The following FRMD1 variants were observed in gnomAD, a reference collection of about 807,000 sequenced individuals.
The protein encoded by FRMD1 is FERM domain containing 1, also known as FERM domain-containing protein 1.
Under a neutral mutation model 54.9 loss-of-function variants are expected in FRMD1, and 51 were observed. The ratio of observed to expected loss-of-function variants is 0.93; its 90% CI spans 0.74 to 1.17. The LOEUF (loss-of-function observed/expected upper bound fraction) is 1.17, where lower values mean the gene tolerates loss of function less well. Ranked by LOEUF, FRMD1 falls within the 50% of genes most tolerant of loss-of-function variation. FRMD1 has a pLI of 0.00. For missense variants in FRMD1, 729 were observed against 743.0 expected (o/e 0.98, Z 0.22); for synonymous variants, 324 against 306.4 (o/e 1.06, Z -0.60).
upstream of FRMD1, among the ~76,000 whole-genome samples, chr6:168,084,651 C>T (rs1800888207): frequency 6.6e-6 from 1 of 152,248 alleles, no homozygotes; most frequent in Non-Finnish European, 1.5e-5. Flanking sequence ...CCGGCTCCCT[C>T]CGTGAGAGCG....
rs1162951059 is a variant in FRMD1, at chr6:168,063,766, G to A, written c.649-10C>T. On this transcript the variant is annotated splice_polypyrimidine_tract_variant and intron_variant, in intron 5 of 10. Transcript: ENST00000283309. The stretch of plus-strand genomic sequence containing the variant: ...CCCTCTTGGTGATGATCTGAGGACA[G>A]AGCCGGGAGGTCAGCTCAGACCCCT... The A allele has an allele frequency of 4.4e-6, 7 of 1,606,068 alleles. No individual in the cohort carries two copies. Among genetic ancestry groups the A allele is most frequent in the Non-Finnish European group, 5.1e-6 (6 of 1,176,018 alleles).
In FRMD1 at chr6:168,061,014, C is replaced by T. The variant is rs747354705; in HGVS notation, c.1089G>A (p.Glu363=). Residue 363 remains glutamate (E), a synonymous_variant, in exon 9 of 11, where the codon GAG becomes GAA. Transcript: ENST00000283309. ...GGAAGCTCCTGCTGGCCAGGTCCAG[C>T]TCCAGCTCATCGCTGATATAGGACT... ...YRESYISDEL[E]LDLASRSFPG... is the part of the protein sequence containing the mutation. 5.6e-6 allele frequency: 9 copies of T among 1,612,788 alleles called. No homozygotes were observed. In the East Asian group the frequency reaches 1.6e-4, roughly 28 times the overall value.
intron 8 of FRMD1, among the ~76,000 whole-genome samples, chr6:168,061,491 G>A (rs909486081): frequency 6.6e-6 from 1 of 152,212 alleles, no homozygotes; most frequent in Non-Finnish European, 1.5e-5. Context: ...AGGCCTTGTC[G>A]GAACCTGCAT....
chr6:168,088,861 C>T (rs1348071467), intron 1 of FRMD1, among the ~76,000 whole-genome samples: 1 of 151,948 alleles, frequency 6.6e-6, no homozygotes, highest in African/African-American at 2.4e-5. Context: ...GACCCACCGG[C>T]CTGCCTGTCA....
At chr6:168,064,567 G>A (rs1057061483) in intron 5 of FRMD1, among the ~76,000 whole-genome samples, 7 of 152,226 alleles carry the variant, frequency 4.6e-5, no homozygotes, top group African/African-American at 1.4e-4. Context: ...CAGCCAGGCA[G>A]CCAAGGGGCT....
rs748642537 is a variant in FRMD1 at position 168,079,103 on chromosome 6, T to C, written c.-9A>G. ...CTCGGGGGCACCGCCATGCTGTCGT[T>C]ACTCGGCCCTCCCCCGCCATGGGTC... On this transcript the variant is annotated 5_prime_UTR_variant, in exon 1 of 11. Transcript: ENST00000283309. 6.3e-7 allele frequency: 1 copy of C among 1,589,768 alleles called. No homozygotes were observed. Among genetic ancestry groups the C allele is most frequent in the Non-Finnish European group, 8.5e-7 (1 of 1,171,660 alleles).
intron 1 of FRMD1, among the ~76,000 whole-genome samples, chr6:168,090,422 T>C (rs1031783876): frequency 2.6e-5 from 4 of 152,184 alleles, no homozygotes; most frequent in Non-Finnish European, 1.5e-5. Flanking sequence ...CCCTGGGCTG[T>C]AGCCACCCTA....
In FRMD1 at chr6:168,079,026, T is replaced by C; in HGVS notation, c.69A>G (p.Ser23=). ...ARTNPDTFPP[S]GARCMEPSPE... ...GACTGGGTTCCATACATCGCGCCCC[T>C]GAAGGAGGGAACGTGTCAGGGTTTG... The change falls in exon 1 of 11, where the codon TCA becomes TCG. Residue 23 remains serine (S), a synonymous_variant. Coordinates refer to ENST00000283309, the MANE Select transcript of FRMD1 (RefSeq NM_024919.6). 2 of 1,611,948 alleles carry C rather than the reference T, an allele frequency of 1.2e-6. No homozygotes were observed. Among genetic ancestry groups the C allele is most frequent in the Non-Finnish European group, 1.7e-6 (2 of 1,179,942 alleles).
rs1800533994 is a variant in FRMD1 at position 168,075,320 on chromosome 6, G to A, written c.229C>T (p.Arg77Cys). The A allele has an allele frequency of 1.9e-6, 3 of 1,612,940 alleles. No individual in the cohort carries two copies. The highest frequency in any genetic ancestry group is 2.2e-5 in the East Asian group (1 of 44,902). The change falls in exon 2 of 11, where the codon CGC (arginine) becomes TGC (cysteine). Residue 77 changes from arginine to cysteine, a missense_variant. Arg to Cys is a radical substitution (Grantham distance 180, BLOSUM62 -3). Coordinates refer to ENST00000283309, the MANE Select transcript of FRMD1 (RefSeq NM_024919.6). ...TTGCACACTTGCTGGAAAAGCTCGC[G>A]GCCAGTAGCCTTCACCTGCAAAAGA... ...RLAVGVKATG[R>C]ELFQQVCNVA...
chr6:168,062,523 G>A (rs761256325), intron 7 of FRMD1: 68 of 792,898 alleles, frequency 8.6e-5, no homozygotes, highest in Non-Finnish European at 1.3e-4. Flanking sequence ...CACAAAGCCC[G>A]TGAGGCCAGG....
At chr6:168,077,622 G>T (rs1453540069) in intron 1 of FRMD1, among the ~76,000 whole-genome samples, 1 of 152,262 alleles carries the variant, frequency 6.6e-6, no homozygotes, top group Non-Finnish European at 1.5e-5. Flanking sequence ...CACAGGAGTT[G>T]CAGAGGCACT....
At position 168,057,090 on chromosome 6, in the gene FRMD1, G is replaced by C. The variant is rs1466182108; in HGVS notation, c.*7C>G. ...CGGTGCGGACGGTACTGCTGGGTGGGTGGTGCCTACACCACAAACTCCTGT... is the reference window on the plus strand; with the variant it reads ...CGGTGCGGACGGTACTGCTGGGTGGCTGGTGCCTACACCACAAACTCCTGT... On this transcript the variant is annotated 3_prime_UTR_variant, in exon 11 of 11. Transcript: ENST00000283309. 1.4e-5 allele frequency: 21 copies of C among 1,470,950 alleles called. No homozygotes were observed. Among genetic ancestry groups the C allele is most frequent in the Admixed American group, 2.5e-5 (1 of 39,876 alleles). The allele number at this position is 1,470,950 out of a possible 1,614,324, so 91.1% of individuals were successfully genotyped here.
Position 168,056,989 on chromosome 6 carries a change from G to A in FRMD1, c.*108C>T. On this transcript the variant is annotated 3_prime_UTR_variant, in exon 11 of 11. Transcript: ENST00000283309. ...GAACCTGTGGAGCGTGCTGGCTGCGGAAGTGCAGGCAGCATCTGGCGGGCA... is the reference window on the plus strand; with the variant it reads ...GAACCTGTGGAGCGTGCTGGCTGCGAAAGTGCAGGCAGCATCTGGCGGGCA... 1 of 1,289,482 alleles carries A rather than the reference G, an allele frequency of 7.8e-7. No homozygotes were observed. Among genetic ancestry groups the A allele is most frequent in the Non-Finnish European group, 1.0e-6 (1 of 979,292 alleles). The allele number at this position is 1,289,482 out of a possible 1,614,324, so 79.9% of individuals were successfully genotyped here.
rs541210472 is a variant in FRMD1 at position 168,059,015 on chromosome 6, G to A, written c.1407+109C>T. 1,034 of 817,786 alleles carry A rather than the reference G, an allele frequency of 1.3e-3. No individual in the cohort carries two copies. Among genetic ancestry groups the A allele is most frequent in the Non-Finnish European group, 1.8e-3 (933 of 520,648 alleles). 50.7% of individuals were successfully genotyped at this position (817,786 alleles called of 1,614,324 possible). A position where few individuals can be genotyped will look rare whatever the true frequency, so the allele number is the denominator to read the frequency against. Reference sequence around the variant, plus strand: ...CTGCGTCTCTGGGGATGTCAGTCGAGGGACCCTCTGATAGGCCTAGGAAGG... The same window carrying A: ...CTGCGTCTCTGGGGATGTCAGTCGAAGGACCCTCTGATAGGCCTAGGAAGG... On this transcript the variant is annotated intron_variant, in intron 10 of 10. Transcript: ENST00000283309. The surrounding 1 kb of genome is among the most constrained non-coding windows in gnomAD (Gnocchi z 4.4).
chr6:168,061,704 A>G, intron 8 of FRMD1, 103 bp downstream of exon 8: 1 of 1,259,226 alleles, frequency 7.9e-7, no homozygotes, highest in South Asian at 1.5e-5. Flanking sequence ...AGGCCACAAC[A>G]ATAAGAGACA....
chr6:168,059,791 G>A lies in FRMD1; in HGVS notation c.1343-603C>T, dbSNP rs1799619580. Reference sequence around the variant, plus strand: ...CCCTCAGGACAGGGTGCTGCATCCTGGGCCAGGTGCACACACAGTCCTACA... The same window carrying A: ...CCCTCAGGACAGGGTGCTGCATCCTAGGCCAGGTGCACACACAGTCCTACA... On this transcript the variant is annotated intron_variant, in intron 9 of 10. Coordinates refer to ENST00000283309, the MANE Select transcript of FRMD1 (RefSeq NM_024919.6). The surrounding 1 kb of genome is among the most constrained non-coding windows in gnomAD (Gnocchi z 4.4). Among the ~76,000 whole-genome samples the A allele has an allele frequency of 6.6e-6, 1 of 152,056 alleles. No individual in the cohort carries two copies. Among genetic ancestry groups the A allele is most frequent in the East Asian group, 1.9e-4 (1 of 5,164 alleles).
At chr6:168,067,313 C>T in intron 3 of FRMD1, 54 bp downstream of exon 3, 2 of 1,213,358 alleles carry the variant, frequency 1.6e-6, no homozygotes, top group Non-Finnish European at 1.2e-6. Flanking sequence ...TCCCCGTGGC[C>T]CAGCACAGCC....
chr6:168,090,231 G>A (rs115478531), intron 1 of FRMD1, among the ~76,000 whole-genome samples: 2,076 of 151,900 alleles, frequency 0.014, 59 homozygotes, highest in African/African-American at 0.048. Flanking sequence ...TGCCCCCCAC[G>A]CTCTCAGCCC....
upstream of FRMD1, among the ~76,000 whole-genome samples, chr6:168,083,290 G>C (rs1800866388): frequency 6.6e-6 from 1 of 152,214 alleles, no homozygotes; most frequent in African/African-American, 2.4e-5. Flanking sequence ...GCACTGCAGG[G>C]TGTCTCTGCT....
Sources: allele counts gnomAD v4.1 joint callset (sites outside exome capture counted in the v4.1 genomes callset), GRCh38; gene constraint gnomAD v4.1.1; non-coding constraint Gnocchi (gnomAD v3.1); transcripts MANE v1.5; gene names NCBI Gene and HGNC (gene_info 2026-07-23, HGNC 2026-07-21).